The following GALNT2 variants were observed in gnomAD, a reference collection of about 807,000 sequenced individuals.
GALNT2 encodes polypeptide N-acetylgalactosaminyltransferase 2, also known as UDP-GalNAc:polypeptide N-acetylgalactosaminyltransferase 2.
GALNT2 carries 31 observed loss-of-function variants against 81.4 expected under a neutral mutation model. The ratio of observed to expected loss-of-function variants is 0.38; its 90% CI spans 0.29 to 0.51. GALNT2 has a LOEUF of 0.51. Among genes scored for constraint, GALNT2 ranks in the 20% least tolerant of loss-of-function variants. GALNT2 has a pLI of 0.87. For missense variants in GALNT2, 629 were observed against 765.7 expected, an observed-to-expected ratio of 0.82 and a Z score of 2.11; for synonymous variants, 303 against 287.4, an observed-to-expected ratio of 1.05 and a Z score of -0.55.
intron 3 of GALNT2, among the ~76,000 whole-genome samples, chr1:230,222,339 ACTCCCC>A (rs957613261): frequency 1.1e-4 from 16 of 150,360 alleles, no homozygotes; most frequent in African/African-American, 3.4e-4. Flanking sequence ...TTTCCTCTGC[ACTCCCC>A]CTGCCCCATG....
At chr1:230,066,907 G>A (rs1467196068), upstream of GALNT2, among the ~76,000 whole-genome samples, 3 of 151,166 alleles carry the variant, frequency 2.0e-5, no homozygotes, top group East Asian at 5.9e-4. Context: ...GCGGGCGGCC[G>A]GGGGCGGGGC....
At chr1:230,141,241 G>T (rs1173171770) in intron 1 of GALNT2, among the ~76,000 whole-genome samples, 2 of 152,198 alleles carry the variant, frequency 1.3e-5, no homozygotes, top group African/African-American at 4.8e-5. Context: ...TCTTAACACT[G>T]CGCAGAAGGG....
chr1:230,256,436 ACT>A (rs1450492359), intron 11 of GALNT2, among the ~76,000 whole-genome samples: 3 of 136,002 alleles, frequency 2.2e-5, no homozygotes, highest in African/African-American at 5.5e-5. Context: ...ACAGAGCGAG[ACT>A]CTGTCTCAAA....
At chr1:230,060,052 T>C (rs1659008386) in intron 1 of GALNT2, among the ~76,000 whole-genome samples, 1 of 152,238 alleles carries the variant, frequency 6.6e-6, no homozygotes, top group Non-Finnish European at 1.5e-5. Context: ...ATAGTATTTT[T>C]ACTTTCCACT....
At chr1:230,254,747 T>C (rs568549858) in intron 10 of GALNT2, among the ~76,000 whole-genome samples, 2 of 152,242 alleles carry the variant, frequency 1.3e-5, no homozygotes, top group Non-Finnish European at 2.9e-5. Flanking sequence ...ATTGTACATA[T>C]TTATATACCT....
chr1:230,246,066 A>G lies in GALNT2; in HGVS notation c.733A>G (p.Arg245Gly), dbSNP rs1665359191. The part of the protein sequence containing the change: ...EPLLERVAED[R>G]TRVVSPIIDV... The stretch of plus-strand genomic sequence containing the variant: ...TACTCCTCTCTTTGTATTTTAGGAC[A>G]GGACTCGGGTTGTGTCACCCATCAT... The change falls in exon 8 of 16, where the codon AGG (arginine) becomes GGG (glycine). Residue 245 changes from arginine (R) to glycine (G), a missense_variant. Physicochemically the swap from Arg to Gly is moderately radical, Grantham distance 125. Around this residue, in one of 3 missense-constraint regions of GALNT2, gnomAD observed 360 missense variants for 492.8 expected, o/e 0.73. Coordinates refer to ENST00000366672, the MANE Select transcript of GALNT2 (RefSeq NM_004481.5). 1 of 1,613,278 alleles carries G rather than the reference A, an allele frequency of 6.2e-7. No homozygotes were observed. The highest frequency in any genetic ancestry group is 1.1e-5 in the South Asian group (1 of 91,056).
intron 7 of GALNT2, among the ~76,000 whole-genome samples, chr1:230,245,199 C>T (rs1053967181): frequency 2.0e-5 from 3 of 151,874 alleles, no homozygotes; most frequent in African/African-American, 4.8e-5. Context: ...CGCAGTGGCT[C>T]ACGCCTGTAA....
chr1:230,141,788 C>CTTTTTTTTTTTTTTTTTTTT (rs60824749), intron 1 of GALNT2, among the ~76,000 whole-genome samples: 6 of 101,330 alleles, frequency 5.9e-5, no homozygotes, highest in Admixed American at 2.6e-4. Context: ...TTTTGTTTTC[C>CTTTTTTTTTTTTTTTTTTTT]TTTTTTTTTT....
At chr1:230,060,917 C>T (rs1659031511) in intron 1 of GALNT2, among the ~76,000 whole-genome samples, 1 of 152,116 alleles carries the variant, frequency 6.6e-6, no homozygotes. Flanking sequence ...CTCTCCTCTG[C>T]TTCTCTCTTT....
intron 1 of GALNT2, among the ~76,000 whole-genome samples, chr1:230,153,561 G>A (rs1662155375): frequency 6.6e-6 from 1 of 152,186 alleles, no homozygotes; most frequent in Non-Finnish European, 1.5e-5. Flanking sequence ...TTTTGAAAGG[G>A]CTGGGGAATT....
intron 11 of GALNT2, among the ~76,000 whole-genome samples, chr1:230,255,941 A>G (rs1012658013): frequency 2.6e-5 from 4 of 152,206 alleles, no homozygotes; most frequent in African/African-American, 7.2e-5. Flanking sequence ...TTATCTACTC[A>G]TAGTTCTGGA....
rs575635230 is a variant in GALNT2, at chr1:230,097,970, AAG to A, written c.126+30570_126+30571del. On this transcript the variant is annotated intron_variant, in intron 1 of 15. Transcript: ENST00000366672. ...TTAATACGTATGAATGTCCTTTGTA[AAG>A]AGAGAATGTAAATGTTTGTCGATAG... 1.3e-4 allele frequency among the ~76,000 whole-genome samples: 20 copies of A among 152,300 alleles called. No homozygotes were observed. In the South Asian group the frequency reaches 3.7e-3, roughly 28 times the overall value.
At chr1:230,178,109 A>G (rs1663042897) in intron 1 of GALNT2, 109 bp from the exon 2 acceptor site, 1 of 765,374 alleles carries the variant, frequency 1.3e-6, no homozygotes, top group Non-Finnish European at 2.1e-6. Flanking sequence ...TCATCAGTGC[A>G]TCCCCAGGGC....
At position 230,080,939 on chromosome 1, in the gene GALNT2, G is replaced by A. The variant is rs77192722; in HGVS notation, c.126+13533G>A. 3.2e-3 allele frequency among the ~76,000 whole-genome samples: 487 copies of A among 152,282 alleles called. 3 individuals are homozygous for A. The highest frequency in any genetic ancestry group is 0.026 in the East Asian group (134 of 5,180). On this transcript the variant is annotated intron_variant, in intron 1 of 15. Transcript: ENST00000366672. ...TTTGAAGGCGGGGAGGTGTTGACAC[G>A]GGTTCTTGGGGAAGCTGCATCAGTG... is the stretch of plus-strand genomic sequence containing the variant.
At chr1:230,127,535 G>C (rs1362134640) in intron 1 of GALNT2, among the ~76,000 whole-genome samples, 15 of 150,462 alleles carry the variant, frequency 1.0e-4, no homozygotes, top group African/African-American at 3.5e-4. Flanking sequence ...GGCACCATGC[G>C]CAGCTAATTT....
intron 9 of GALNT2, among the ~76,000 whole-genome samples, 191 bp from the exon 10 acceptor site, chr1:230,250,266 T>C (rs1483627741): frequency 6.6e-6 from 1 of 152,132 alleles, no homozygotes; most frequent in African/African-American, 2.4e-5. Flanking sequence ...GGGGGAGGCA[T>C]TTGAAGGCAG....
intron 3 of GALNT2, among the ~76,000 whole-genome samples, chr1:230,221,408 T>A (rs1664543235): frequency 6.6e-6 from 1 of 152,222 alleles, no homozygotes; most frequent in African/African-American, 2.4e-5. Context: ...TGTTATTTGG[T>A]TCTGAAAATG....
chr1:230,170,993 A>G (rs997088903), intron 1 of GALNT2, among the ~76,000 whole-genome samples: 1 of 152,196 alleles, frequency 6.6e-6, no homozygotes, highest in Admixed American at 6.5e-5. Flanking sequence ...TTCTTTTTTC[A>G]GGACCCTTTC....
chr1:230,139,508 G>T (rs1661661870), intron 1 of GALNT2, among the ~76,000 whole-genome samples: 1 of 152,206 alleles, frequency 6.6e-6, no homozygotes, highest in African/African-American at 2.4e-5. Flanking sequence ...ATGAAGGGAG[G>T]ACGGTTATTC....
Sources: gnomAD v4.1 joint callset for allele counts (sites outside exome capture counted in the v4.1 genomes callset) on GRCh38, gnomAD v4.1.1 for gene constraint, gnomAD v4.1.1 regional missense constraint, MANE v1.5 for transcripts, NCBI Gene and HGNC (gene_info 2026-07-23, HGNC 2026-07-21) for gene names.